RIF1: variants seen among roughly 807,000 people sequenced by gnomAD.
RIF1 encodes replication timing regulatory factor 1.
Under a neutral mutation model 247.1 loss-of-function variants are expected in RIF1, and 45 were observed. The observed-to-expected ratio is 0.18, with a 90% CI of 0.14 to 0.23. The LOEUF is 0.23. Ranked by LOEUF, RIF1 falls within the 10% of genes least tolerant of loss-of-function variation. RIF1 has a pLI of 1.00. For synonymous variants in RIF1, 1,087 were observed against 978.8 expected (o/e 1.11, Z -2.06); for missense variants, 2,967 against 2,862.5 (o/e 1.04, Z -0.83).
rs887967288 is a variant in RIF1, at chr2:151,490,293, G to A, written c.*416-4936G>A. 1.1e-5 allele frequency: 17 copies of A among 1,493,174 alleles called. No individual in the cohort carries two copies. The African/African-American group carries it at 1.6e-4, about 14-fold the overall frequency. 92.5% of individuals were successfully genotyped at this position (1,493,174 alleles called of 1,614,324 possible). ...ATGAAAAATTTTTAAATTTGTTTTT[G>A]TACTCAAAGCATCTCTTATAGTAAC... On this transcript the variant is annotated intron_variant and NMD_transcript_variant, in intron 9 of 13. Transcript: ENST00000454583.
intron 30 of RIF1, 90 bp downstream of exon 30, chr2:151,466,210 T>C (rs543274488): frequency 2.8e-5 from 19 of 688,504 alleles, no homozygotes; most frequent in East Asian, 1.3e-4. Flanking sequence ...GACAAAATAT[T>C]ACAATTATAT....
At chr2:151,534,387 T>A in the RIF1 span, 1 of 1,355,342 alleles carries the variant, frequency 7.4e-7, no homozygotes, top group Non-Finnish European at 1.0e-6. Context: ...TGTCTCAAGG[T>A]AAACACTCCA....
chr2:151,417,615 T>C (rs1687432606), intron 6 of RIF1, among the ~76,000 whole-genome samples: 1 of 152,194 alleles, frequency 6.6e-6, no homozygotes, highest in Admixed American at 6.5e-5. Flanking sequence ...TTCTTGTCAT[T>C]ATTTCCTAAA....
chr2:151,453,151 A>G (rs1248630378), intron 21 of RIF1, among the ~76,000 whole-genome samples: 5 of 152,172 alleles, frequency 3.3e-5, no homozygotes, highest in Non-Finnish European at 5.9e-5. Context: ...GATTGCATTT[A>G]TCTTATCTGC....
At chr2:151,512,627 T>G, downstream of RIF1, 1 of 877,864 alleles carries the variant, frequency 1.1e-6, no homozygotes, top group Non-Finnish European at 1.8e-6. Context: ...CTCTTTTTTA[T>G]TGGGAAAAAC....
rs929234690 is a variant in RIF1 at position 151,489,851 on chromosome 2, G to T, written c.*416-5378G>T. On this transcript the variant is annotated intron_variant and NMD_transcript_variant, in intron 9 of 13. Transcript: ENST00000454583. ...CATTAATATGAAACATGTAATAAAA[G>T]AGCATTATATAAAATAGAAGGTTTG... 4 of 592,354 alleles carry T rather than the reference G, an allele frequency of 6.8e-6. No individual in the cohort carries two copies. In the South Asian group the frequency reaches 9.1e-5, roughly 13 times the overall value. 36.7% of individuals were successfully genotyped at this position (592,354 alleles called of 1,614,324 possible). A position where few individuals can be genotyped will look rare whatever the true frequency, so the allele number is the denominator to read the frequency against.
At chr2:151,498,903 A>ACTT (rs1271456410) in intron 10 of RIF1, among the ~76,000 whole-genome samples, 2 of 151,426 alleles carry the variant, frequency 1.3e-5, no homozygotes, top group Non-Finnish European at 2.9e-5. Context: ...AAAAAAAGAA[A>ACTT]CTTCAAAATA....
the RIF1 span, among the ~76,000 whole-genome samples, chr2:151,522,887 G>T: frequency 2.6e-5 from 4 of 152,184 alleles, no homozygotes; most frequent in Admixed American, 6.5e-5. Flanking sequence ...CCCACACACA[G>T]CTGAAGCGCC....
At chr2:151,440,878 C>T (rs1692171464) in intron 15 of RIF1, among the ~76,000 whole-genome samples, 1 of 152,180 alleles carries the variant, frequency 6.6e-6, no homozygotes, top group Non-Finnish European at 1.5e-5. Flanking sequence ...GGGCCAGGAA[C>T]AAACTAATAC....
chr2:151,463,517 A>C lies in RIF1; in HGVS notation c.3997A>C (p.Asn1333His). Residue 1333 changes from asparagine (N) to histidine (H), a missense_variant, in exon 30 of 36, where the codon AAT becomes CAT. Transcript: ENST00000444746. ...AGAAAATAACCCACCTGGTTTGCTT[A>C]ATCAAACAGAATGTGTGTCAGATAA... ...VLENNPPGLL[N>H]QTECVSDNQV... 6.2e-7 allele frequency: 1 copy of C among 1,614,098 alleles called. No homozygotes were observed. Among genetic ancestry groups the C allele is most frequent in the Non-Finnish European group, 8.5e-7 (1 of 1,179,992 alleles).
At position 151,498,176 on chromosome 2, in the gene RIF1, G is replaced by A. The variant is rs1260454733; in HGVS notation, c.*514-1169G>A. ...GTATTAGAAGCAAAGAAGGGAAATG[G>A]GCTTCAAACAAAAATAAATAAATGT... On this transcript the variant is annotated intron_variant and NMD_transcript_variant, in intron 10 of 13. Coordinates refer to the RIF1 transcript ENST00000454583. 1.1e-5 allele frequency: 17 copies of A among 1,544,532 alleles called. No individual in the cohort carries two copies. In the East Asian group the frequency reaches 3.4e-4, roughly 31 times the overall value.
chr2:151,489,677 A>G (rs1020584357), intron 9 of RIF1, among the ~76,000 whole-genome samples: 7 of 152,192 alleles, frequency 4.6e-5, no homozygotes, highest in Non-Finnish European at 7.3e-5. Context: ...CATTATAGGC[A>G]TGATTCACTA....
At chr2:151,518,110 G>A in the RIF1 span, among the ~76,000 whole-genome samples, 7 of 152,164 alleles carry the variant, frequency 4.6e-5, no homozygotes, top group African/African-American at 1.7e-4. Context: ...CCTGCCAGTA[G>A]CACATAATTG....
chr2:151,446,322 A>T, intron 19 of RIF1, 104 bp from the exon 20 acceptor site: 1 of 1,086,304 alleles, frequency 9.2e-7, no homozygotes, highest in Non-Finnish European at 1.4e-6. Context: ...TTGACACACT[A>T]AATGTTGCAG....
chr2:151,474,747 C>T (rs1363290566), intron 35 of RIF1, 110 bp from the exon 36 acceptor site: 1 of 675,788 alleles, frequency 1.5e-6, no homozygotes, highest in Non-Finnish European at 2.6e-6. Flanking sequence ...AGACTTAAGC[C>T]TGCTCTCTCA....
chr2:151,519,809 A>T, the RIF1 span: 1 of 1,353,434 alleles, frequency 7.4e-7, no homozygotes, highest in South Asian at 1.2e-5. Flanking sequence ...CCTGGACATC[A>T]ATCAATTTGG....
the RIF1 span, among the ~76,000 whole-genome samples, chr2:151,533,728 C>T: frequency 2.6e-5 from 4 of 152,160 alleles, no homozygotes; most frequent in South Asian, 2.1e-4. Context: ...GCAATGCTTG[C>T]GGTTGGCCAT....
intron 10 of RIF1, among the ~76,000 whole-genome samples, chr2:151,433,755 C>T (rs1444129514): frequency 6.6e-6 from 1 of 152,040 alleles, no homozygotes; most frequent in Non-Finnish European, 1.5e-5. Context: ...GCGCCTGGCC[C>T]TGAAATGTTT....
chr2:151,503,838 A>G (rs780233929), intron 12 of RIF1, among the ~76,000 whole-genome samples: 1 of 152,150 alleles, frequency 6.6e-6, no homozygotes, highest in Non-Finnish European at 1.5e-5. Context: ...AGGATACTCT[A>G]TTCCTTCAGG....
Sources: allele counts gnomAD v4.1 joint callset (sites outside exome capture counted in the v4.1 genomes callset), GRCh38; gene constraint gnomAD v4.1.1; transcripts MANE v1.5; gene names NCBI Gene and HGNC (gene_info 2026-07-23, HGNC 2026-07-21).